Variants in SOX5 observed in about 807,000 individuals in gnomAD.
SOX5 encodes SRY-box transcription factor 5, also known as transcription factor SOX-5.
SOX5 carries 9 observed loss-of-function variants against 92.0 expected under a neutral mutation model. The observed-to-expected ratio is 0.10, with a 90% CI of 0.06 to 0.17. SOX5 has a LOEUF of 0.17. Ranked by LOEUF, SOX5 falls within the 10% of genes least tolerant of loss-of-function variation. The pLI, the probability that SOX5 is intolerant of heterozygous loss-of-function variation, is 1.00. For synonymous variants in SOX5, 344 were observed against 336.3 expected, an observed-to-expected ratio of 1.02 and a Z score of -0.25; for missense variants, 642 against 944.5, an observed-to-expected ratio of 0.68 and a Z score of 4.20.
rs148816157 is a variant in SOX5 at position 24,535,067 on chromosome 12, G to A, written c.-251+27262C>T. On this transcript the variant is annotated intron_variant, in intron 1 of 4. Transcript: ENST00000446891. The stretch of plus-strand genomic sequence containing the variant: ...CCCAGCCAAGGCAAAGGCCCAAACT[G>A]GAAGCCACCATGGAGCCCAAGGCAT... Among the ~76,000 whole-genome samples, 180 of 152,210 alleles carry A rather than the reference G, an allele frequency of 1.2e-3. 3 individuals are homozygous for A. Among genetic ancestry groups the A allele is most frequent in the African/African-American group, 4.0e-3 (168 of 41,528 alleles).
intron 7 of SOX5, 103 bp downstream of exon 7, chr12:23,665,341 C>T (rs1324960364): frequency 8.0e-6 from 10 of 1,243,120 alleles, no homozygotes; most frequent in African/African-American, 1.5e-5. Context: ...AATAAAAATG[C>T]TATATGGGTG....
At chr12:24,491,387 A>G (rs1048409282) in intron 1 of SOX5, among the ~76,000 whole-genome samples, 1 of 152,092 alleles carries the variant, frequency 6.6e-6, no homozygotes, top group Non-Finnish European at 1.5e-5. Flanking sequence ...TACTATACCA[A>G]TCATGATAGT....
intron 1 of SOX5, among the ~76,000 whole-genome samples, chr12:24,373,060 G>A (rs1036298675): frequency 4.0e-5 from 6 of 151,844 alleles, no homozygotes; most frequent in Non-Finnish European, 7.4e-5. Context: ...GGAGGCTGCA[G>A]GGAGCCGAGA....
intron 1 of SOX5, among the ~76,000 whole-genome samples, chr12:24,405,891 C>T (rs1319154508): frequency 6.6e-6 from 1 of 152,152 alleles, no homozygotes; most frequent in Non-Finnish European, 1.5e-5. Context: ...GATAGAGCTG[C>T]TGCTGATGCC....
intron 4 of SOX5, among the ~76,000 whole-genome samples, chr12:24,100,202 T>G (rs1265679853): frequency 6.6e-6 from 1 of 152,098 alleles, no homozygotes; most frequent in African/African-American, 2.4e-5. Context: ...TAAACAACAC[T>G]TCCTTTGATC....
chr12:23,791,457 G>A (rs913552390), intron 3 of SOX5, among the ~76,000 whole-genome samples: 15 of 152,122 alleles, frequency 9.9e-5, no homozygotes, highest in African/African-American at 3.4e-4. Context: ...GCCACTGCAC[G>A]GGCTTTAGTT....
chr12:23,635,716 G>A (rs2079138394), intron 8 of SOX5, among the ~76,000 whole-genome samples: 1 of 152,090 alleles, frequency 6.6e-6, no homozygotes, highest in African/African-American at 2.4e-5. Flanking sequence ...TCTGACTAAT[G>A]CATAGTGGAG....
chr12:24,020,353 A>T (rs16926979), intron 4 of SOX5, among the ~76,000 whole-genome samples: 6,085 of 152,296 alleles, frequency 0.04, 138 homozygotes, highest in Admixed American at 0.06. Flanking sequence ...CCTATTCCAA[A>T]GTCAAGACAA....
chr12:24,221,916 G>C (rs1201230526), intron 3 of SOX5, among the ~76,000 whole-genome samples: 1 of 152,188 alleles, frequency 6.6e-6, no homozygotes, highest in East Asian at 1.9e-4. Flanking sequence ...TTTCAGAGTG[G>C]CTGCAATGGA....
chr12:24,516,792 G>T (rs902524038), intron 1 of SOX5, among the ~76,000 whole-genome samples: 5 of 152,102 alleles, frequency 3.3e-5, no homozygotes, highest in Non-Finnish European at 7.4e-5. Context: ...TGGTTAATTA[G>T]TATTTTCAGC....
intron 3 of SOX5, among the ~76,000 whole-genome samples, chr12:23,841,133 T>A (rs2096509149): frequency 6.6e-6 from 1 of 152,036 alleles, no homozygotes; most frequent in South Asian, 2.1e-4. Flanking sequence ...TAAAAACTCA[T>A]TCACAAGAAA....
intron 9 of SOX5, among the ~76,000 whole-genome samples, chr12:23,576,189 G>GT (rs34231615): frequency 0.34 from 51,289 of 149,280 alleles, 8,877 homozygotes; most frequent in East Asian, 0.43. Flanking sequence ...ATGTAGGTAG[G>GT]TTTTTTTTTT....
intron 2 of SOX5, among the ~76,000 whole-genome samples, chr12:24,312,000 A>T (rs900401888): frequency 1.3e-5 from 2 of 152,070 alleles, no homozygotes; most frequent in Non-Finnish European, 2.9e-5. Context: ...AAGTGATTTT[A>T]AAAATTCTAC....
At chr12:24,380,446 G>A (rs551791513) in intron 1 of SOX5, among the ~76,000 whole-genome samples, 36 of 152,278 alleles carry the variant, frequency 2.4e-4, no homozygotes, top group Middle Eastern at 3.4e-3. Context: ...CTCCACTTGC[G>A]CAACATATAA....
chr12:24,082,981 C>T (rs1039227), intron 4 of SOX5, among the ~76,000 whole-genome samples: 116,461 of 151,796 alleles, frequency 0.77, 45,591 homozygotes, highest in East Asian at 1. Flanking sequence ...ATGTTGGTCA[C>T]GCTTAGCTGC....
intron 3 of SOX5, among the ~76,000 whole-genome samples, chr12:23,819,672 T>C (rs2096068253): frequency 6.6e-6 from 1 of 152,216 alleles, no homozygotes; most frequent in Admixed American, 6.5e-5. Flanking sequence ...AGTGAGAACA[T>C]GCACTGTTTG....
chr12:23,922,999 G>A (rs1938824006), intron 1 of SOX5, among the ~76,000 whole-genome samples: 1 of 151,448 alleles, frequency 6.6e-6, no homozygotes, highest in East Asian at 1.9e-4. Flanking sequence ...AGGCTGGAGT[G>A]CAGTGGCGCC....
chr12:24,390,619 T>A (rs144862555), intron 1 of SOX5, among the ~76,000 whole-genome samples: 1 of 152,282 alleles, frequency 6.6e-6, no homozygotes, highest in East Asian at 1.9e-4. Flanking sequence ...CCCCTCTCTA[T>A]GTCCATGTAT....
In SOX5 at chr12:23,584,098, T is replaced by C. The variant is rs950682266; in HGVS notation, c.1165-8260A>G. Among the ~76,000 whole-genome samples, 8 of 152,046 alleles carry C rather than the reference T, an allele frequency of 5.3e-5. No homozygotes were observed. In the East Asian group the frequency reaches 9.7e-4, roughly 18 times the overall value. On this transcript the variant is annotated intron_variant, in intron 9 of 14. Coordinates refer to ENST00000451604, the MANE Select transcript of SOX5 (RefSeq NM_006940.6). ...GAGCACATCAGCATCTCTACTGGAA[T>C]CTACAAAAGGAATTACTATCAAAAG...
Sources: allele counts gnomAD v4.1 joint callset (sites outside exome capture counted in the v4.1 genomes callset), GRCh38; gene constraint gnomAD v4.1.1; transcripts MANE v1.5; gene names NCBI Gene and HGNC (gene_info 2026-07-23, HGNC 2026-07-21).